EXOSC10: variants seen among roughly 807,000 people sequenced by gnomAD.
EXOSC10 encodes the protein exosome component 10.
EXOSC10 carries 94 observed loss-of-function variants against 126.6 expected under a neutral mutation model. That is an observed-to-expected ratio of 0.74 (90% CI 0.63 to 0.88). EXOSC10 has a LOEUF of 0.88. Ranked by LOEUF, EXOSC10 falls within the 40% of genes least tolerant of loss-of-function variation. The pLI is 0.00. For missense variants in EXOSC10, 1,041 were observed against 1,100.5 expected, an observed-to-expected ratio of 0.95 and a Z score of 0.77; for synonymous variants, 395 against 400.8, an observed-to-expected ratio of 0.99 and a Z score of 0.17.
At chr1:11,093,165 G>A (rs1271357542) in intron 3 of EXOSC10, among the ~76,000 whole-genome samples, 1 of 152,184 alleles carries the variant, frequency 6.6e-6, no homozygotes, top group African/African-American at 2.4e-5. Flanking sequence ...TCAAAGGCAG[G>A]TAGGACAGTA....
In EXOSC10 at chr1:11,080,558, A is replaced by AC. The variant is rs1222286418; in HGVS notation, c.1587-10_1587-9insG. The AC allele has an allele frequency of 2.0e-6, 3 of 1,513,728 alleles. No individual in the cohort carries two copies. The highest frequency in any genetic ancestry group is 3.5e-5 in the African/African-American group (2 of 56,650). The allele number at this position is 1,513,728 out of a possible 1,614,324, so 93.8% of individuals were successfully genotyped here. On this transcript the variant is annotated splice_polypyrimidine_tract_variant and intron_variant, in intron 12 of 24. Coordinates refer to ENST00000376936, the MANE Select transcript of EXOSC10 (RefSeq NM_001001998.3). The stretch of plus-strand genomic sequence containing the variant: ...GGTTTGGCAGTACATATCTGGAAAA[A>AC]AAAAAACACACACACACACACACAC...
chr1:11,077,572 T>G lies in EXOSC10; in HGVS notation c.1800+29A>C, dbSNP rs2273340. The G allele has an allele frequency of 3.7e-6, 6 of 1,613,160 alleles. No individual in the cohort carries two copies. In the African/African-American group the frequency reaches 4.0e-5, roughly 11 times the overall value. ...GGCTGTGACTTGACGTTTTCCCTCCTGGGGGAGAAAACAGATCCGACACTC... is the reference window on the plus strand; with the variant it reads ...GGCTGTGACTTGACGTTTTCCCTCCGGGGGGAGAAAACAGATCCGACACTC... On this transcript the variant is annotated intron_variant, in intron 15 of 24. Coordinates refer to ENST00000376936, the MANE Select transcript of EXOSC10 (RefSeq NM_001001998.3).
At position 11,091,187 on chromosome 1, in the gene EXOSC10, C is replaced by G; in HGVS notation, c.478-8G>C. 6.2e-7 allele frequency: 1 copy of G among 1,610,472 alleles called. No individual in the cohort carries two copies. The highest frequency in any genetic ancestry group is 8.5e-7 in the Non-Finnish European group (1 of 1,178,564). On this transcript the variant is annotated splice_polypyrimidine_tract_variant and splice_region_variant and intron_variant, in intron 4 of 24. Transcript: ENST00000376936. ...TTTGCCATATTCTGCTGCCTATGAT[C>G]AATGAATACAAATACTTTATAACAC... is the stretch of plus-strand genomic sequence containing the variant.
At chr1:11,074,413 AT>A (rs368062216) in intron 17 of EXOSC10, 87 bp from the exon 18 acceptor site, 44,762 of 720,554 alleles carry the variant, frequency 0.062, 3 homozygotes, top group Non-Finnish European at 0.069. Flanking sequence ...GTTAACAGTG[AT>A]TTTTTTTTTT....
At position 11,070,882 on chromosome 1, in the gene EXOSC10, A is replaced by C. The variant is rs1435632612; in HGVS notation, c.2316+18T>G. ...GGCATCGTTTTTCAAAGGAAAAAGG[A>C]GAAAAGCTGGCACATACCACGACCT... On this transcript the variant is annotated intron_variant, in intron 21 of 24. Transcript: ENST00000376936. The C allele has an allele frequency of 8.1e-6, 13 of 1,610,466 alleles. No individual in the cohort carries two copies. The highest frequency in any genetic ancestry group is 1.3e-5 in the African/African-American group (1 of 74,908).
rs144601218 is a variant in EXOSC10, at chr1:11,091,130, T to C, written c.527A>G (p.His176Arg). Residue 176 changes from histidine to arginine, a missense_variant, in exon 5 of 25, where the codon CAT becomes CGT. By Grantham distance (29) the His-to-Arg change is conservative (BLOSUM62 0). This residue lies in a region of EXOSC10 where 645 missense variants were observed against 656.3 expected (regional missense o/e 0.98). Transcript: ENST00000376936. ...CTGAGGTCGGATGATATTTTTTGCATGAAGCAGCCGGAAAGTTTCAGATTT... is the reference window on the plus strand; with the variant it reads ...CTGAGGTCGGATGATATTTTTTGCACGAAGCAGCCGGAAAGTTTCAGATTT... Reference protein sequence around the residue: ...KAKSETFRLLHAKNIIRPQLK... With the variant: ...KAKSETFRLLRAKNIIRPQLK... 1 of 1,614,224 alleles carries C rather than the reference T, an allele frequency of 6.2e-7. No homozygotes were observed. The highest frequency in any genetic ancestry group is 1.3e-5 in the African/African-American group (1 of 75,072).
rs778037063 is a variant in EXOSC10 at position 11,081,144 on chromosome 1, C to T, written c.1375G>A (p.Gly459Ser). Residue 459 changes from glycine (G) to serine (S), a missense_variant, in exon 11 of 25, where the codon GGC becomes AGC. Gly to Ser is a moderately conservative substitution (Grantham distance 56). Around this residue, in one of 3 missense-constraint regions of EXOSC10, gnomAD observed 645 missense variants for 656.3 expected, o/e 0.98. Transcript: ENST00000376936. ...TGCAGCTGCACCGGCTGCCCGTTGC[C>T]GCGCTCCCACATCTCCAGCCTCATT... ...DKMRLEMWER[G>S]NGQPVQLQVV... 29 of 1,614,060 alleles carry T rather than the reference C, an allele frequency of 1.8e-5. No homozygotes were observed. The highest frequency in any genetic ancestry group is 4.5e-5 in the East Asian group (2 of 44,900).
At chr1:11,066,874 G>A in intron 24 of EXOSC10, 126 bp from the exon 25 acceptor site, 2 of 1,115,254 alleles carry the variant, frequency 1.8e-6, no homozygotes. Context: ...AGGGGCCCCA[G>A]AGAACTCGGC....
chr1:11,095,804 T>C lies in EXOSC10; in HGVS notation c.326A>G (p.Lys109Arg). 1.2e-6 allele frequency: 2 copies of C among 1,614,118 alleles called. No homozygotes were observed. The highest frequency in any genetic ancestry group is 1.1e-5 in the South Asian group (1 of 91,090). Residue 109 changes from lysine (K) to arginine (R), a missense_variant, in exon 3 of 25, where the codon AAG becomes AGG. By Grantham distance (26) the Lys-to-Arg change is conservative (BLOSUM62 2). This residue lies in a region of EXOSC10 where 645 missense variants were observed against 656.3 expected (regional missense o/e 0.98). Coordinates refer to ENST00000376936, the MANE Select transcript of EXOSC10 (RefSeq NM_001001998.3). ...ATTGGCATCAACTAGTAAATCAAAC[T>C]TGTCTTCCAGCTCAGTCACTTTACT... ...DRSKVTELEDKFDLLVDANDV... is the reference protein window; with the variant it reads ...DRSKVTELEDRFDLLVDANDV...
intron 10 of EXOSC10, chr1:11,082,416 A>C (rs1640220851): frequency 1.6e-6 from 1 of 628,362 alleles, no homozygotes; most frequent in Non-Finnish European, 2.4e-6. Context: ...TTCAAACAAA[A>C]GACCAGCATG....
At chr1:11,079,093 G>A (rs1397268709) in intron 14 of EXOSC10, among the ~76,000 whole-genome samples, 1 of 152,086 alleles carries the variant, frequency 6.6e-6, no homozygotes, top group Non-Finnish European at 1.5e-5. Flanking sequence ...CACTTTGGGA[G>A]GCCCAGGTGG....
chr1:11,069,003 G>A (rs934160185), intron 22 of EXOSC10: 2 of 438,664 alleles, frequency 4.6e-6, no homozygotes, highest in African/African-American at 4.0e-5. Context: ...TCTCTGTGCT[G>A]GGTGATGCCA....
At chr1:11,079,489 A>T (rs975967710) in intron 14 of EXOSC10, among the ~76,000 whole-genome samples, 1 of 144,824 alleles carries the variant, frequency 6.9e-6, no homozygotes, top group East Asian at 2.1e-4. Context: ...CGCCTCCCGG[A>T]TTCAAGCAAT....
chr1:11,083,540 C>T (rs1458427979), intron 9 of EXOSC10, among the ~76,000 whole-genome samples: 3 of 75,232 alleles, frequency 4.0e-5, no homozygotes, highest in Non-Finnish European at 7.0e-5. Context: ...CCAGCCTGGG[C>T]AACAAGAGCA....
In EXOSC10 at chr1:11,074,002, G is replaced by A. The variant is rs1264048663; in HGVS notation, c.2089C>T (p.Pro697Ser). Residue 697 changes from proline to serine, a missense_variant, in exon 19 of 25, where the codon CCC (proline) becomes TCC (serine). By Grantham distance (74) the Pro-to-Ser change is moderately conservative. Around this residue, in one of 3 missense-constraint regions of EXOSC10, gnomAD observed 388 missense variants for 415.2 expected, o/e 0.93. Transcript: ENST00000376936. ...ACGGGAGCACGGTGTCCCAGTGAGG[G>A]CAGAAACTGGAGGAAGGAAATGGCT... ...SFENPFRMFLPSLGHRAPVSQ... is the reference protein window; with the variant it reads ...SFENPFRMFLSSLGHRAPVSQ... 1.2e-6 allele frequency: 2 copies of A among 1,613,866 alleles called. No individual in the cohort carries two copies. Among genetic ancestry groups the A allele is most frequent in the African/African-American group, 1.3e-5 (1 of 74,904 alleles).
At chr1:11,081,808 C>G (rs551783415) in intron 10 of EXOSC10, among the ~76,000 whole-genome samples, 9 of 152,010 alleles carry the variant, frequency 5.9e-5, no homozygotes, top group African/African-American at 2.2e-4. Context: ...CTGGGCCAGG[C>G]GCGGTGGCTC....
rs1459997348 is a variant in EXOSC10, at chr1:11,068,023, G to T, written c.2612C>A (p.Thr871Asn). The stretch of plus-strand genomic sequence containing the variant: ...CACCACATACCTGTCTGACTTTCCA[G>T]TTGGAAAGGACATGCTTTTGTTTCC... ...SVGNKSMSFPTGKSDRGFRYN... is the reference protein window; with the variant it reads ...SVGNKSMSFPNGKSDRGFRYN... Residue 871 changes from threonine (T) to asparagine (N), a missense_variant, in exon 24 of 25, where the codon ACT becomes AAT. Thr to Asn is a moderately conservative substitution (Grantham distance 65). Around this residue, in one of 3 missense-constraint regions of EXOSC10, gnomAD observed 388 missense variants for 415.2 expected, o/e 0.93. Transcript: ENST00000376936. 6.2e-7 allele frequency: 1 copy of T among 1,614,112 alleles called. No individual in the cohort carries two copies. The highest frequency in any genetic ancestry group is 1.3e-5 in the African/African-American group (1 of 75,040).
At chr1:11,087,175 T>A (rs1403802614) in intron 9 of EXOSC10, among the ~76,000 whole-genome samples, 1 of 152,226 alleles carries the variant, frequency 6.6e-6, no homozygotes, top group East Asian at 1.9e-4. Flanking sequence ...GTAGCTTCAG[T>A]ACAGTCATCA....
chr1:11,091,722 A>T (rs1148482), intron 3 of EXOSC10, 125 bp from the exon 4 acceptor site: 1 of 657,256 alleles, frequency 1.5e-6, no homozygotes, highest in Non-Finnish European at 2.6e-6. Context: ...GCAGTGGCGC[A>T]ATCTTGCCTC....
Sources: allele counts gnomAD v4.1 joint callset (sites outside exome capture counted in the v4.1 genomes callset), GRCh38; gene constraint gnomAD v4.1.1; regional missense constraint gnomAD v4.1.1; transcripts MANE v1.5; gene names NCBI Gene and HGNC (gene_info 2026-07-23, HGNC 2026-07-21).